Variants in KCND2 observed in about 807,000 individuals in gnomAD.
KCND2 encodes the protein A-type voltage-gated potassium channel KCND2.
A neutral mutation model predicts 54.4 loss-of-function variants in KCND2; 16 were observed. That is an observed-to-expected ratio of 0.29 (90% CI 0.20 to 0.45). The LOEUF is 0.45. KCND2 is among the 20% of genes least tolerant of loss of function. The probability of loss-of-function intolerance (pLI) is 1.00; values close to 1 mark genes in which losing one functional copy is unlikely to be tolerated. For missense variants in KCND2, 486 were observed against 824.2 expected (o/e 0.59, Z 5.02); for synonymous variants, 317 against 310.7 (o/e 1.02, Z -0.21).
rs115989385 is a variant in KCND2 at position 120,341,544 on chromosome 7, A to T, written c.1115+65797A>T. Among the ~76,000 whole-genome samples, 1,067 of 152,268 alleles carry T rather than the reference A, an allele frequency of 7.0e-3. 11 individuals carry two copies. The highest frequency in any genetic ancestry group is 0.024 in the African/African-American group (1,007 of 41,564). On this transcript the variant is annotated intron_variant, in intron 1 of 5. Transcript: ENST00000331113. ...TAGAGTTGGGATACTAGAGCAAATG[A>T]GCTAGAAAGATAGAAGATAATGATC...
Position 120,491,469 on chromosome 7 carries a change from T to C in KCND2, c.1115+215722T>C, listed in dbSNP as rs79483449. ...AACATATTGTAGTTGGTAGTCATCA[T>C]GCATAATCGAAAGGTAATTTTCTTT... On this transcript the variant is annotated intron_variant, in intron 1 of 5. Transcript: ENST00000331113. 6.7e-4 allele frequency among the ~76,000 whole-genome samples: 102 copies of C among 152,272 alleles called. No individual in the cohort carries two copies. In the Middle Eastern group the frequency reaches 0.01, roughly 15 times the overall value.
At chr7:120,524,301 A>G (rs964532146) in intron 1 of KCND2, among the ~76,000 whole-genome samples, 3 of 152,140 alleles carry the variant, frequency 2.0e-5, no homozygotes, top group African/African-American at 7.2e-5. Context: ...TAATAAGGTA[A>G]GGAGCTAAAG....
chr7:120,536,701 G>A (rs566762019), intron 1 of KCND2, among the ~76,000 whole-genome samples: 90 of 152,120 alleles, frequency 5.9e-4, no homozygotes, highest in African/African-American at 1.9e-3. Context: ...GCCATCCTTC[G>A]ATCACAGGAT....
At chr7:120,288,504 C>A (rs1281213512) in intron 1 of KCND2, among the ~76,000 whole-genome samples, 1 of 152,002 alleles carries the variant, frequency 6.6e-6, no homozygotes, top group East Asian at 1.9e-4. Flanking sequence ...TGTAAAAATC[C>A]ACTGAATGGC....
intron 1 of KCND2, among the ~76,000 whole-genome samples, chr7:120,447,148 G>A (rs2116209203): frequency 6.6e-6 from 1 of 152,078 alleles, no homozygotes; most frequent in African/African-American, 2.4e-5. Flanking sequence ...TGGCCCCAAA[G>A]CCCATACTTA....
chr7:120,511,024 TCA>T (rs10594846), intron 1 of KCND2, among the ~76,000 whole-genome samples: 11,484 of 144,534 alleles, frequency 0.079, 671 homozygotes, highest in African/African-American at 0.18. Context: ...TCTCTCTCTC[TCA>T]CACACACACA....
chr7:120,280,523 ACTGTC>A (rs879851211), intron 1 of KCND2, among the ~76,000 whole-genome samples: 10,473 of 151,970 alleles, frequency 0.069, 747 homozygotes, highest in African/African-American at 0.18. Context: ...CTACTGATAA[ACTGTC>A]TTATTTTATT....
chr7:120,642,499 T>G (rs989276725), intron 1 of KCND2, among the ~76,000 whole-genome samples: 2 of 150,886 alleles, frequency 1.3e-5, no homozygotes, highest in African/African-American at 4.9e-5. Flanking sequence ...GAGGTGGGGG[T>G]TGCAGTGAGC....
chr7:120,572,625 C>A (rs1000825727), intron 1 of KCND2, among the ~76,000 whole-genome samples: 2 of 152,164 alleles, frequency 1.3e-5, no homozygotes, highest in Non-Finnish European at 2.9e-5. Context: ...TCAAGTGATT[C>A]TCCCACCTCA....
At chr7:120,548,761 C>T (rs968063934) in intron 1 of KCND2, among the ~76,000 whole-genome samples, 1 of 152,100 alleles carries the variant, frequency 6.6e-6, no homozygotes, top group African/African-American at 2.4e-5. Context: ...AAGTGATACA[C>T]ACATAGCATT....
chr7:120,323,596 A>G (rs532074251), intron 1 of KCND2, among the ~76,000 whole-genome samples: 82 of 148,846 alleles, frequency 5.5e-4, no homozygotes, highest in African/African-American at 1.9e-3. Context: ...ATGATTTCCA[A>G]TTTCATCCAT....
chr7:120,519,061 G>A (rs1449650820), intron 1 of KCND2, among the ~76,000 whole-genome samples: 2 of 152,096 alleles, frequency 1.3e-5, no homozygotes, highest in Non-Finnish European at 2.9e-5. Context: ...GTACGTGGTG[G>A]TTCCCGCCTG....
At chr7:120,465,624 T>C (rs1481909207) in intron 1 of KCND2, among the ~76,000 whole-genome samples, 2 of 152,094 alleles carry the variant, frequency 1.3e-5, no homozygotes, top group Non-Finnish European at 1.5e-5. Context: ...TGTGTTCAGT[T>C]TGAGGTGTTT....
intron 1 of KCND2, among the ~76,000 whole-genome samples, chr7:120,356,518 T>C (rs944435348): frequency 6.6e-6 from 1 of 152,166 alleles, no homozygotes; most frequent in African/African-American, 2.4e-5. Flanking sequence ...GATCATAAAA[T>C]TGAAATCCTG....
intron 1 of KCND2, among the ~76,000 whole-genome samples, chr7:120,351,365 TACACACACACACACACACACAC>T (rs59756091): frequency 3.2e-5 from 3 of 94,764 alleles, no homozygotes; most frequent in Admixed American, 2.6e-4. Flanking sequence ...TCGAAGAGCA[TACACACACACACACACACACAC>T]ACACACACAC....
At chr7:120,348,168 C>T (rs78375528) in intron 1 of KCND2, among the ~76,000 whole-genome samples, 4,213 of 152,166 alleles carry the variant, frequency 0.028, 92 homozygotes, top group Non-Finnish European at 0.047. Flanking sequence ...TCATCAGATA[C>T]GCTATAATGC....
intron 1 of KCND2, among the ~76,000 whole-genome samples, chr7:120,675,515 C>T (rs955646661): frequency 2.7e-4 from 41 of 151,990 alleles, no homozygotes; most frequent in African/African-American, 9.4e-4. Context: ...GGATTACCAG[C>T]GTGAGCCACT....
chr7:120,588,402 A>AGTGTGT (rs3993713), intron 1 of KCND2, among the ~76,000 whole-genome samples: 19,525 of 141,180 alleles, frequency 0.14, 1,478 homozygotes, highest in Admixed American at 0.18. Flanking sequence ...GCAACTGTGC[A>AGTGTGT]GTGTGTGTGT....
intron 1 of KCND2, among the ~76,000 whole-genome samples, chr7:120,599,443 G>C (rs1792787573): frequency 6.6e-6 from 1 of 151,884 alleles, no homozygotes; most frequent in African/African-American, 2.4e-5. Context: ...TAATGGTACT[G>C]AGTCTTCCAG....
Sources: allele counts gnomAD v4.1 joint callset (sites outside exome capture counted in the v4.1 genomes callset), GRCh38; gene constraint gnomAD v4.1.1; transcripts MANE v1.5; gene names NCBI Gene and HGNC (gene_info 2026-07-23, HGNC 2026-07-21).